DNM3: variants seen among roughly 807,000 people sequenced by gnomAD.
The protein encoded by DNM3 is dynamin 3, also known as dynamin-3.
Under a neutral mutation model 101.6 loss-of-function variants are expected in DNM3, and 47 were observed. The ratio of observed to expected loss-of-function variants is 0.46; its 90% CI spans 0.37 to 0.59. The LOEUF (loss-of-function observed/expected upper bound fraction) is 0.59, where lower values mean the gene tolerates loss of function less well. Ranked by LOEUF, DNM3 falls within the 20% of genes least tolerant of loss-of-function variation. The pLI is 0.00. For synonymous variants in DNM3, 385 were observed against 387.9 expected (o/e 0.99, Z 0.09); for missense variants, 849 against 1,085.7 (o/e 0.78, Z 3.06).
intron 14 of DNM3, among the ~76,000 whole-genome samples, chr1:172,240,641 A>G (rs1363807354): frequency 6.6e-6 from 1 of 152,182 alleles, no homozygotes; most frequent in Non-Finnish European, 1.5e-5. Context: ...TGCACTCAAA[A>G]GCTGTTACAC....
At chr1:172,170,509 A>C (rs1168917712) in intron 14 of DNM3, among the ~76,000 whole-genome samples, 2 of 151,892 alleles carry the variant, frequency 1.3e-5, no homozygotes, top group African/African-American at 2.4e-5. Flanking sequence ...GAATGAAAAT[A>C]GGATTAAATG....
At chr1:172,266,183 A>G (rs1021465671) in intron 15 of DNM3, among the ~76,000 whole-genome samples, 4 of 152,176 alleles carry the variant, frequency 2.6e-5, no homozygotes, top group Non-Finnish European at 4.4e-5. Context: ...GAAAGAAATT[A>G]GAGTCAGGTT....
intron 13 of DNM3, among the ~76,000 whole-genome samples, chr1:172,100,614 TC>T (rs1349027650): frequency 6.6e-6 from 1 of 152,196 alleles, no homozygotes; most frequent in Non-Finnish European, 1.5e-5. Flanking sequence ...TTACCTGACT[TC>T]CTGGTACCGA....
chr1:172,061,009 C>A (rs2051137826), intron 10 of DNM3, among the ~76,000 whole-genome samples: 1 of 115,300 alleles, frequency 8.7e-6, no homozygotes, highest in Non-Finnish European at 1.7e-5. Flanking sequence ...AAGAAAAAAA[C>A]AAACAACCCC....
intron 2 of DNM3, among the ~76,000 whole-genome samples, chr1:171,963,852 AT>A (rs2043385911): frequency 6.6e-6 from 1 of 151,900 alleles, no homozygotes; most frequent in Admixed American, 6.6e-5. Flanking sequence ...CAAAAATAAA[AT>A]TCCAAGCCCC....
intron 12 of DNM3, among the ~76,000 whole-genome samples, chr1:172,091,654 G>C (rs2053918340): frequency 6.6e-6 from 1 of 152,212 alleles, no homozygotes; most frequent in Non-Finnish European, 1.5e-5. Flanking sequence ...CAAAGAGGCA[G>C]TAGTGGGGGT....
intron 14 of DNM3, among the ~76,000 whole-genome samples, chr1:172,133,702 G>A (rs2057063619): frequency 6.6e-6 from 1 of 152,150 alleles, no homozygotes; most frequent in Non-Finnish European, 1.5e-5. Context: ...AGATTTGGGT[G>A]ATTGGAAGGA....
chr1:172,323,341 G>GT lies in DNM3; in HGVS notation c.1893+2dup, dbSNP rs1350458641. On this transcript the variant is annotated splice_donor_variant, in intron 17 of 20. Transcript: ENST00000627582. LOFTEE classifies it high-confidence loss of function. ...GCTACATGCATAGGGGAACAACAAA[G>GT]TAAGTTATTTGTCCTCTTGCAGCTC... The GT allele has an allele frequency of 6.2e-7, 1 of 1,606,216 alleles. No homozygotes were observed. The highest frequency in any genetic ancestry group is 1.1e-5 in the South Asian group (1 of 89,152).
chr1:172,120,969 GT>G (rs962071780), intron 13 of DNM3, among the ~76,000 whole-genome samples: 10 of 151,940 alleles, frequency 6.6e-5, no homozygotes, highest in East Asian at 3.9e-4. Context: ...TTACTAAGGT[GT>G]TTTTTTTCTT....
At chr1:172,267,894 A>G (rs1423855674) in intron 15 of DNM3, among the ~76,000 whole-genome samples, 1 of 152,020 alleles carries the variant, frequency 6.6e-6, no homozygotes, top group African/African-American at 2.4e-5. Flanking sequence ...TTGTATTTTT[A>G]GTAGAGACGG....
rs114141307 is a variant in DNM3, at chr1:172,133,003, A to G, written c.1659+1715A>G. 1.0e-3 allele frequency: 1,595 copies of G among 1,523,914 alleles called. 13 individuals are homozygous for G. In the African/African-American group the frequency reaches 0.02, roughly 19 times the overall value. 94.4% of individuals were successfully genotyped at this position (1,523,914 alleles called of 1,614,324 possible). ...TCCAGAGCCTATGCTTTCAACCACA[A>G]ATAAAGGCAAGAATCCCAGAGATGC... is the stretch of plus-strand genomic sequence containing the variant. On this transcript the variant is annotated intron_variant, in intron 14 of 20. Transcript: ENST00000627582.
chr1:171,955,256 A>T (rs536083742), intron 2 of DNM3, among the ~76,000 whole-genome samples: 1 of 152,256 alleles, frequency 6.6e-6, no homozygotes, highest in East Asian at 1.9e-4. Flanking sequence ...GCTATGCACC[A>T]CTGTACTTTA....
At chr1:171,936,729 C>G (rs966159481) in intron 2 of DNM3, among the ~76,000 whole-genome samples, 25 of 152,142 alleles carry the variant, frequency 1.6e-4, no homozygotes, top group African/African-American at 5.8e-4. Context: ...TTTTACATGA[C>G]TTGGAATTTA....
chr1:172,294,778 A>G (rs76003477), intron 15 of DNM3, among the ~76,000 whole-genome samples: 1 of 123,524 alleles, frequency 8.1e-6, no homozygotes, highest in African/African-American at 3.8e-5. Flanking sequence ...CCAGGCTGGG[A>G]CTGCAAGGCT....
chr1:171,906,127 A>ATTTTTT (rs767499060), intron 1 of DNM3, among the ~76,000 whole-genome samples: 3 of 131,396 alleles, frequency 2.3e-5, no homozygotes, highest in Non-Finnish European at 3.3e-5. Context: ...GTTCAATTGC[A>ATTTTTT]TTTTTTTTTT....
intron 17 of DNM3, among the ~76,000 whole-genome samples, chr1:172,326,754 T>A (rs2065953751): frequency 6.6e-6 from 1 of 152,088 alleles, no homozygotes; most frequent in Admixed American, 6.6e-5. Context: ...TATAAATATA[T>A]CAAAAGCCCT....
intron 15 of DNM3, among the ~76,000 whole-genome samples, chr1:172,263,828 T>C (rs2148721564): frequency 6.6e-6 from 1 of 152,298 alleles, no homozygotes; most frequent in South Asian, 2.1e-4. Context: ...ATATAAGATG[T>C]TTTCTTGTTT....
At position 172,308,712 on chromosome 1, in the gene DNM3, T is replaced by A; in HGVS notation, c.1770-16T>A. The A allele has an allele frequency of 6.8e-7, 1 of 1,467,552 alleles. No homozygotes were observed. The highest frequency in any genetic ancestry group is 1.4e-5 in the African/African-American group (1 of 69,688). The allele number at this position is 1,467,552 out of a possible 1,614,324, so 90.9% of individuals were successfully genotyped here. On this transcript the variant is annotated splice_polypyrimidine_tract_variant and intron_variant, in intron 15 of 20. Coordinates refer to ENST00000627582, the MANE Select transcript of DNM3 (RefSeq NM_015569.5). ...GTTCAAACTAAAAGCATGATTTTTT[T>A]TTTTTTTAACTCCAGGAATGTATAC...
intron 1 of DNM3, among the ~76,000 whole-genome samples, chr1:171,892,175 G>A (rs1007275611): frequency 2.6e-5 from 4 of 151,890 alleles, no homozygotes; most frequent in African/African-American, 4.8e-5. Context: ...GTGTGTGTGC[G>A]TGTGTGTGTG....
Sources: allele counts gnomAD v4.1 joint callset (sites outside exome capture counted in the v4.1 genomes callset), GRCh38; gene constraint gnomAD v4.1.1; transcripts MANE v1.5; gene names NCBI Gene and HGNC (gene_info 2026-07-23, HGNC 2026-07-21).